ARHGEF4: variants seen among roughly 807,000 people sequenced by gnomAD.
The protein encoded by ARHGEF4 is Rho guanine nucleotide exchange factor 4.
Under a neutral mutation model 162.0 loss-of-function variants are expected in ARHGEF4, and 119 were observed. The ratio of observed to expected loss-of-function variants is 0.73; its 90% CI spans 0.63 to 0.86. The LOEUF (loss-of-function observed/expected upper bound fraction) is 0.86. Among genes scored for constraint, ARHGEF4 ranks in the 40% least tolerant of loss-of-function variants. The pLI is 0.00. For synonymous variants in ARHGEF4, 1,014 were observed against 979.9 expected (o/e 1.03, Z -0.65); for missense variants, 2,488 against 2,456.0 (o/e 1.01, Z -0.28).
At chr2:130,854,208 T>C (rs1426368163) in intron 1 of ARHGEF4, among the ~76,000 whole-genome samples, 2 of 152,212 alleles carry the variant, frequency 1.3e-5, no homozygotes, top group Non-Finnish European at 2.9e-5. Flanking sequence ...ATTCAAGTGT[T>C]AAAATTATAG....
intron 2 of ARHGEF4, among the ~76,000 whole-genome samples, chr2:130,920,585 T>C (rs1343567844): frequency 1.3e-5 from 2 of 152,178 alleles, no homozygotes; most frequent in African/African-American, 4.8e-5. Flanking sequence ...GGTGCTGGAA[T>C]GTGAAACTCC....
chr2:130,876,676 G>T (rs1574141555), intron 1 of ARHGEF4, among the ~76,000 whole-genome samples: 1 of 152,308 alleles, frequency 6.6e-6, no homozygotes, highest in Non-Finnish European at 1.5e-5. Flanking sequence ...ACAGGCTTGA[G>T]CCACCGCGCC....
intron 3 of ARHGEF4, among the ~76,000 whole-genome samples, chr2:130,944,903 T>C (rs961750473): frequency 6.6e-6 from 1 of 152,188 alleles, no homozygotes; most frequent in African/African-American, 2.4e-5. Context: ...GATTATTAAA[T>C]TTTTTAAGCA....
Position 130,940,209 on chromosome 2 carries a change from T to G in ARHGEF4, c.3859-6300T>G, listed in dbSNP as rs186377974. ...AGTAATTATACAACAATACAGGTGC[T>G]ACAGTGATATCAACAAAATACTGTT... On this transcript the variant is annotated intron_variant, in intron 3 of 13. Transcript: ENST00000409359. Among the ~76,000 whole-genome samples, 492 of 152,310 alleles carry G rather than the reference T, an allele frequency of 3.2e-3. 3 individuals are homozygous for G. Among genetic ancestry groups the G allele is most frequent in the Non-Finnish European group, 1.1e-3 (78 of 68,020 alleles).
chr2:130,869,650 A>G (rs1678323732), intron 1 of ARHGEF4, among the ~76,000 whole-genome samples: 1 of 152,116 alleles, frequency 6.6e-6, no homozygotes, highest in African/African-American at 2.4e-5. Context: ...AGTTAGAGAG[A>G]AGAGAGGGTA....
chr2:130,913,714 C>T (rs72992470), intron 1 of ARHGEF4, among the ~76,000 whole-genome samples: 1,782 of 152,340 alleles, frequency 0.012, 33 homozygotes, highest in African/African-American at 0.04. Context: ...CTTATGTAAA[C>T]GCACATGTGC....
At chr2:131,009,530 T>C (rs1175382844) in intron 4 of ARHGEF4, among the ~76,000 whole-genome samples, 1 of 152,220 alleles carries the variant, frequency 6.6e-6, no homozygotes, top group East Asian at 1.9e-4. Context: ...AAGTTGCTGT[T>C]CATTATTTTC....
intron 1 of ARHGEF4, among the ~76,000 whole-genome samples, chr2:130,862,877 A>T (rs1316850576): frequency 2.6e-5 from 3 of 114,454 alleles, no homozygotes; most frequent in East Asian, 2.4e-4. Flanking sequence ...AAAAAAAAAA[A>T]TTTCAAATCA....
At chr2:130,981,228 A>G (rs1389777146) in intron 4 of ARHGEF4, among the ~76,000 whole-genome samples, 2 of 152,234 alleles carry the variant, frequency 1.3e-5, no homozygotes, top group African/African-American at 4.8e-5. Flanking sequence ...CTAGATAAAT[A>G]GAACAAATAA....
At chr2:130,903,009 C>T (rs997603143) in intron 1 of ARHGEF4, among the ~76,000 whole-genome samples, 4 of 152,024 alleles carry the variant, frequency 2.6e-5, no homozygotes, top group Non-Finnish European at 5.9e-5. Context: ...CTGATTCCGT[C>T]CTCTGCCTTT....
At chr2:130,870,561 C>G (rs1418376040) in intron 1 of ARHGEF4, among the ~76,000 whole-genome samples, 1 of 152,134 alleles carries the variant, frequency 6.6e-6, no homozygotes, top group African/African-American at 2.4e-5. Flanking sequence ...CTTCTCAGAA[C>G]CATGCACCTT....
intron 4 of ARHGEF4, among the ~76,000 whole-genome samples, chr2:131,001,333 A>T (rs1199086358): frequency 6.6e-6 from 1 of 150,456 alleles, no homozygotes; most frequent in African/African-American, 2.5e-5. Flanking sequence ...AAAAAACAGA[A>T]AGAGCTGAAG....
At chr2:130,901,687 A>T (rs1212616037) in intron 1 of ARHGEF4, among the ~76,000 whole-genome samples, 1 of 151,970 alleles carries the variant, frequency 6.6e-6, no homozygotes, top group Non-Finnish European at 1.5e-5. Context: ...CACCCGGCTA[A>T]TTTTTGTATT....
intron 4 of ARHGEF4, among the ~76,000 whole-genome samples, chr2:131,013,331 G>A (rs1020280045): frequency 2.0e-5 from 3 of 152,184 alleles, no homozygotes; most frequent in African/African-American, 7.2e-5. Flanking sequence ...CTGAAGAGAA[G>A]TACAGGTCTA....
At chr2:130,896,456 C>T (rs540894445) in intron 1 of ARHGEF4, among the ~76,000 whole-genome samples, 8 of 152,326 alleles carry the variant, frequency 5.3e-5, no homozygotes, top group African/African-American at 1.7e-4. Flanking sequence ...GGACTGCCTG[C>T]AGACATGGGA....
At chr2:130,920,758 T>G (rs923204469) in intron 2 of ARHGEF4, among the ~76,000 whole-genome samples, 7 of 152,250 alleles carry the variant, frequency 4.6e-5, no homozygotes, top group Non-Finnish European at 7.3e-5. Context: ...AATATTTTGT[T>G]GTTTACTTCT....
intron 2 of ARHGEF4, among the ~76,000 whole-genome samples, chr2:130,928,356 C>T (rs1249916262): frequency 2.0e-5 from 3 of 152,204 alleles, no homozygotes; most frequent in East Asian, 1.9e-4. Context: ...GGTGCTGAGT[C>T]GCTCCCTGTT....
intron 4 of ARHGEF4, among the ~76,000 whole-genome samples, chr2:130,984,604 G>C (rs1049096324): frequency 6.6e-6 from 1 of 150,666 alleles, no homozygotes; most frequent in Non-Finnish European, 1.5e-5. Context: ...CAGGAGAATC[G>C]CTTGAACCCG....
chr2:130,870,272 C>A (rs1678375405), intron 1 of ARHGEF4, among the ~76,000 whole-genome samples: 1 of 152,140 alleles, frequency 6.6e-6, no homozygotes, highest in Non-Finnish European at 1.5e-5. Context: ...GGGACCTAGC[C>A]CCCGGGAGCA....
Sources: allele counts gnomAD v4.1 joint callset (sites outside exome capture counted in the v4.1 genomes callset), GRCh38; gene constraint gnomAD v4.1.1; transcripts MANE v1.5; gene names NCBI Gene and HGNC (gene_info 2026-07-23, HGNC 2026-07-21).